The following BUB1 variants were observed in gnomAD, a reference collection of about 807,000 sequenced individuals.
BUB1 encodes the protein BUB1 mitotic checkpoint serine/threonine kinase.
A neutral mutation model predicts 135.2 loss-of-function variants in BUB1; 84 were observed. The ratio of observed to expected loss-of-function variants is 0.62; its 90% confidence interval spans 0.52 to 0.74. The LOEUF (loss-of-function observed/expected upper bound fraction) is 0.74. Ranked by LOEUF, BUB1 falls within the 30% of genes least tolerant of loss-of-function variation. BUB1 has a pLI of 0.00. For missense variants in BUB1, 1,162 were observed against 1,288.3 expected, an observed-to-expected ratio of 0.90 and a Z score of 1.50; for synonymous variants, 403 against 434.4, an observed-to-expected ratio of 0.93 and a Z score of 0.90.
In BUB1 at chr2:110,638,146, C is replaced by A; in HGVS notation, c.3076G>T (p.Asp1026Tyr). The change falls in exon 25 of 25, where the codon GAT becomes TAT. Residue 1026 changes from aspartate (D) to tyrosine (Y), a missense_variant. Physicochemically the swap from Asp to Tyr is radical, Grantham distance 160. Transcript: ENST00000302759. ...ACATGAAAAAATTCATTCCACATAT[C>A]CAAATGAGGAAGCCTGAAAAAGACA... ...EGLFRRLPHLDMWNEFFHVML... is the reference protein window; with the variant it reads ...EGLFRRLPHLYMWNEFFHVML... 1 of 1,594,200 alleles carries A rather than the reference C, an allele frequency of 6.3e-7. No individual in the cohort carries two copies. The highest frequency in any genetic ancestry group is 8.5e-7 in the Non-Finnish European group (1 of 1,171,376).
intron 1 of BUB1, among the ~76,000 whole-genome samples, chr2:110,677,623 TCACAAAATCTAAA>T (rs1247006939): frequency 6.6e-6 from 1 of 152,220 alleles, no homozygotes. Flanking sequence ...TGAAAACGTA[TCACAAAATCTAAA>T]CACAAGGTTC....
Position 110,650,666 on chromosome 2 carries a change from C to T in BUB1, c.2083G>A (p.Val695Ile), listed in dbSNP as rs751489579. The T allele has an allele frequency of 5.0e-5, 81 of 1,613,860 alleles. No individual in the cohort carries two copies. The highest frequency in any genetic ancestry group is 7.7e-5 in the South Asian group (7 of 91,082). Residue 695 changes from valine (V) to isoleucine (I), a missense_variant, in exon 18 of 25, where the codon GTT becomes ATT. Physicochemically the swap from Val to Ile is conservative, Grantham distance 29. Coordinates refer to ENST00000302759, the MANE Select transcript of BUB1 (RefSeq NM_004336.5). The stretch of plus-strand genomic sequence containing the variant: ...GTGTCTGTGAGTCTGCAAGCCTCAA[C>T]GCCCAACTCTGCCTCACAGGTAAGT... ...GVLTCEAELG[V>I]EACRLTDTDA...
chr2:110,668,026 C>CAATA (rs1235519619), intron 6 of BUB1, among the ~76,000 whole-genome samples, 177 bp from the exon 7 acceptor site: 1 of 152,156 alleles, frequency 6.6e-6, no homozygotes, highest in African/African-American at 2.4e-5. Context: ...AACAACCTTA[C>CAATA]AATAACTATT....
At chr2:110,670,643 A>G in intron 4 of BUB1, 75 bp from the exon 5 acceptor site, 1 of 1,423,272 alleles carries the variant, frequency 7.0e-7, no homozygotes, top group South Asian at 1.2e-5. Flanking sequence ...AAAACTAAAT[A>G]CCATAGACAA....
chr2:110,655,724 C>G lies in BUB1; in HGVS notation c.1876+15G>C, dbSNP rs1274295716. On this transcript the variant is annotated intron_variant, in intron 16 of 24. Transcript: ENST00000302759. ...AGTTGGCAGAAGACAGACACTAAAA[C>G]AGTGTAACACACACCTTTATCTTCT... 1.3e-6 allele frequency: 2 copies of G among 1,582,322 alleles called. No individual in the cohort carries two copies.
At chr2:110,663,524 G>T (rs1204122374) in intron 9 of BUB1, among the ~76,000 whole-genome samples, 1 of 152,156 alleles carries the variant, frequency 6.6e-6, no homozygotes, top group Non-Finnish European at 1.5e-5. Context: ...AAAAAGGGAG[G>T]CTTCTAGTTA....
In BUB1 at chr2:110,657,574, A is replaced by T. The variant is rs1288396578; in HGVS notation, c.1588T>A (p.Phe530Ile). ...TAATTTTCTTTGTTTCCATCTTCAA[A>T]CACATGAAAAGCAGATGACAAAGAA... ...ISSLSSAFHV[F>I]EDGNKENYGL... The change falls in exon 14 of 25, where the codon TTT becomes ATT. Residue 530 changes from phenylalanine (F) to isoleucine (I), a missense_variant. Phe to Ile is a conservative substitution (Grantham distance 21, BLOSUM62 0). Transcript: ENST00000302759. 1.9e-6 allele frequency: 3 copies of T among 1,607,104 alleles called. No homozygotes were observed. In the African/African-American group the frequency reaches 4.0e-5, roughly 22 times the overall value.
rs74693163 is a variant in BUB1, at chr2:110,640,057, C to T, written c.2956-209G>A. On this transcript the variant is annotated intron_variant, in intron 23 of 24. Transcript: ENST00000302759. ...GCTTCCAGTCTCTTGAAAAGCTCTG[C>T]CCTCCTGAGCTACCATGTCCCTCTC... 1,963 of 642,096 alleles carry T rather than the reference C, an allele frequency of 3.1e-3. 41 individuals are homozygous for T. In the African/African-American group the frequency reaches 0.031, roughly 10 times the overall value. The allele number at this position is 642,096 out of a possible 1,614,324, so 39.8% of individuals were successfully genotyped here.
intron 17 of BUB1, among the ~76,000 whole-genome samples, 170 bp downstream of exon 17, chr2:110,653,266 G>A (rs946392400): frequency 2.0e-4 from 31 of 152,158 alleles, no homozygotes; most frequent in African/African-American, 7.2e-4. Context: ...GTATATTCAC[G>A]GAGAGTACCT....
chr2:110,671,827 C>CA (rs1304154333), intron 4 of BUB1, among the ~76,000 whole-genome samples: 1 of 152,146 alleles, frequency 6.6e-6, no homozygotes, highest in Non-Finnish European at 1.5e-5. Flanking sequence ...AGGAAAATGC[C>CA]AAAAGGTTTT....
At chr2:110,662,448 CAA>C (rs1690125332) in intron 9 of BUB1, among the ~76,000 whole-genome samples, 2 of 152,102 alleles carry the variant, frequency 1.3e-5, no homozygotes, top group Admixed American at 1.3e-4. Context: ...TTTAGTGTTA[CAA>C]AGTTAGATGA....
Position 110,642,158 on chromosome 2 carries a change from A to T in BUB1, c.2424T>A (p.Asp808Glu), listed in dbSNP as rs1211779059. The T allele has an allele frequency of 1.2e-6, 2 of 1,613,228 alleles. No homozygotes were observed. Among genetic ancestry groups the T allele is most frequent in the Admixed American group, 1.7e-5 (1 of 59,868 alleles). Reference sequence around the variant, plus strand: ...TCTGTTTATTTTTAGCATCATTCAGATCTCCCTGGGTAGCTTCGTACACCT... The same window carrying T: ...TCTGTTTATTTTTAGCATCATTCAGTTCTCCCTGGGTAGCTTCGTACACCT... ...FAQVYEATQGDLNDAKNKQKF... is the reference protein window; with the variant it reads ...FAQVYEATQGELNDAKNKQKF... The change falls in exon 20 of 25, where the codon GAT (aspartate) becomes GAA (glutamate). Residue 808 changes from aspartate to glutamate, a missense_variant. Asp to Glu is a conservative substitution (Grantham distance 45). Coordinates refer to ENST00000302759, the MANE Select transcript of BUB1 (RefSeq NM_004336.5).
rs146421351 is a variant in BUB1, at chr2:110,674,135, T to C, written c.176A>G (p.Lys59Arg). The change falls in exon 3 of 25, where the codon AAG becomes AGG. Residue 59 changes from lysine (K) to arginine (R), a missense_variant. Physicochemically the swap from Lys to Arg is conservative, Grantham distance 26 (BLOSUM62 2). Coordinates refer to ENST00000302759, the MANE Select transcript of BUB1 (RefSeq NM_004336.5). ...TCTTGGGTCATTGTGGTATTTCTTC[T>C]TATCTAAAAATTCCTTCATTAAATG... Reference protein sequence around the residue: ...LEHLMKEFLDKKKYHNDPRFI... With the variant: ...LEHLMKEFLDRKKYHNDPRFI... 5.9e-5 allele frequency: 92 copies of C among 1,569,790 alleles called. No homozygotes were observed. The African/African-American group carries it at 9.6e-4, about 16-fold the overall frequency.
chr2:110,677,887 A>G, intron 1 of BUB1, 83 bp downstream of exon 1: 1 of 1,482,406 alleles, frequency 6.7e-7, no homozygotes, highest in Non-Finnish European at 9.2e-7. Context: ...GGGGCAAAAG[A>G]AGGCAGGTCT....
At chr2:110,660,235 G>C (rs1690045743) in intron 10 of BUB1, among the ~76,000 whole-genome samples, 199 bp from the exon 11 acceptor site, 1 of 152,142 alleles carries the variant, frequency 6.6e-6, no homozygotes, top group Admixed American at 6.5e-5. Context: ...CATTAGCGGG[G>C]TGTGCTGGCA....
At chr2:110,645,056 A>G (rs561654792) in intron 19 of BUB1, among the ~76,000 whole-genome samples, 1 of 152,364 alleles carries the variant, frequency 6.6e-6, no homozygotes, top group South Asian at 2.1e-4. Context: ...CAATCCAATT[A>G]TATCAATAAT....
In BUB1 at chr2:110,660,055, G is replaced by A. The variant is rs1464123378; in HGVS notation, c.1218-19C>T. On this transcript the variant is annotated intron_variant, in intron 10 of 24. Coordinates refer to ENST00000302759, the MANE Select transcript of BUB1 (RefSeq NM_004336.5). ...CACACATCTGGAAGAGAAAACTCTT[G>A]AGACACACTAGAGAATAAAATGCTT... 16 of 1,600,688 alleles carry A rather than the reference G, an allele frequency of 1.0e-5. No individual in the cohort carries two copies. The highest frequency in any genetic ancestry group is 1.3e-5 in the Non-Finnish European group (15 of 1,169,222).
chr2:110,674,248 A>G, intron 2 of BUB1, 24 bp from the exon 3 acceptor site: 1 of 1,612,180 alleles, frequency 6.2e-7, no homozygotes, highest in Non-Finnish European at 8.5e-7. Context: ...GATAATGTTA[A>G]TTTTCCATGG....
At chr2:110,664,594 A>C (rs1416067030) in intron 9 of BUB1, among the ~76,000 whole-genome samples, 1 of 143,302 alleles carries the variant, frequency 7.0e-6, no homozygotes, top group Non-Finnish European at 1.5e-5. Flanking sequence ...TTTTTTTTTT[A>C]AATAAGCTAC....
Sources: gnomAD v4.1 joint callset for allele counts (sites outside exome capture counted in the v4.1 genomes callset) on GRCh38, gnomAD v4.1.1 for gene constraint, MANE v1.5 for transcripts, NCBI Gene and HGNC (gene_info 2026-07-23, HGNC 2026-07-21) for gene names.